The following PAIP2 variants were observed in gnomAD, a reference collection of about 807,000 sequenced individuals.
The protein encoded by PAIP2 is poly(A) binding protein interacting protein 2, also known as polyadenylate-binding protein-interacting protein 2.
Under a neutral mutation model 14.8 loss-of-function variants are expected in PAIP2, and 7 were observed. That is an observed-to-expected ratio of 0.47 (90% CI 0.27 to 0.89). The LOEUF (loss-of-function observed/expected upper bound fraction) is 0.89, where lower values mean the gene tolerates loss of function less well. Ranked by LOEUF, PAIP2 falls within the 40% of genes least tolerant of loss-of-function variation. PAIP2 has a pLI of 0.13. For synonymous variants in PAIP2, 47 were observed against 45.3 expected (o/e 1.04, Z -0.15); for missense variants, 122 against 154.7 (o/e 0.79, Z 1.12).
rs930211553 is a variant in PAIP2, at chr5:139,351,644, C to CT, written c.-27+9673dup. 2.6e-3 allele frequency among the ~76,000 whole-genome samples: 392 copies of CT among 150,906 alleles called. 4 individuals are homozygous for CT. The highest frequency in any genetic ancestry group is 9.2e-3 in the African/African-American group (378 of 41,186). ...GACGTTTGTATACCTAACTTTTTTT[C>CT]TTTTTTTTTGTAAGTAGTGTGTACT... is the stretch of plus-strand genomic sequence containing the variant. On this transcript the variant is annotated intron_variant, in intron 1 of 3. Coordinates refer to ENST00000265192, the MANE Select transcript of PAIP2 (RefSeq NM_016480.5).
At chr5:139,361,059 G>C (rs1194072753) in intron 1 of PAIP2, among the ~76,000 whole-genome samples, 1 of 152,136 alleles carries the variant, frequency 6.6e-6, no homozygotes, top group Non-Finnish European at 1.5e-5. Flanking sequence ...GGAATTACTG[G>C]AGTGAGCCAC....
chr5:139,361,196 A>G lies in PAIP2; in HGVS notation c.-26-2563A>G, dbSNP rs886915921. 3.3e-5 allele frequency among the ~76,000 whole-genome samples: 5 copies of G among 152,180 alleles called. No individual in the cohort carries two copies. The East Asian group carries it at 7.7e-4, about 23-fold the overall frequency. On this transcript the variant is annotated intron_variant, in intron 1 of 3. Transcript: ENST00000265192. ...CCACTATGATCCTGTTGTCATTAGT[A>G]TCTAGTATTTGTCATATTACATGAA...
intron 1 of PAIP2, among the ~76,000 whole-genome samples, chr5:139,349,915 T>C (rs1321955589): frequency 1.3e-5 from 2 of 151,758 alleles, no homozygotes; most frequent in African/African-American, 2.4e-5. Flanking sequence ...GGCAGGAGAA[T>C]CACTTGAACG....
At chr5:139,366,232 G>A (rs1016378190) in intron 3 of PAIP2, among the ~76,000 whole-genome samples, 3 of 150,886 alleles carry the variant, frequency 2.0e-5, no homozygotes, top group African/African-American at 4.9e-5. Context: ...AAAGCGGGGT[G>A]GGGGGAATTG....
intron 3 of PAIP2, among the ~76,000 whole-genome samples, chr5:139,368,490 C>G (rs1757435015): frequency 6.6e-6 from 1 of 152,222 alleles, no homozygotes; most frequent in Admixed American, 6.5e-5. Flanking sequence ...GATTGTGCCA[C>G]TGCACTCCAG....
intron 1 of PAIP2, among the ~76,000 whole-genome samples, chr5:139,355,789 G>A (rs1475563633): frequency 2.0e-5 from 3 of 150,598 alleles, no homozygotes; most frequent in East Asian, 4.0e-4. Flanking sequence ...CCCAGGAGGC[G>A]GAGGTTGCAG....
At chr5:139,353,265 CCTT>C (rs1284880280) in intron 1 of PAIP2, among the ~76,000 whole-genome samples, 17 of 152,138 alleles carry the variant, frequency 1.1e-4, no homozygotes, top group African/African-American at 4.1e-4. Flanking sequence ...CAAATTAGGG[CCTT>C]CTTTTGTGTT....
intron 1 of PAIP2, among the ~76,000 whole-genome samples, chr5:139,351,757 C>T (rs1442045214): frequency 1.3e-5 from 2 of 151,870 alleles, no homozygotes; most frequent in African/African-American, 2.4e-5. Context: ...AATCATGGTT[C>T]AAGTAATCCT....
At chr5:139,368,060 G>A (rs1308835779) in intron 3 of PAIP2, among the ~76,000 whole-genome samples, 3 of 152,316 alleles carry the variant, frequency 2.0e-5, no homozygotes, top group Non-Finnish European at 4.4e-5. Flanking sequence ...ATTAGGCCGG[G>A]CGCGGTGGCT....
At chr5:139,363,488 G>GGGT (rs1228624245) in intron 1 of PAIP2, among the ~76,000 whole-genome samples, 4 of 152,088 alleles carry the variant, frequency 2.6e-5, no homozygotes, top group African/African-American at 9.7e-5. Flanking sequence ...TGAGAGGCTT[G>GGGT]GGTGGGAGGA....
In PAIP2 at chr5:139,368,949, T is replaced by C; in HGVS notation, c.*151T>C. ...AGTCTTGCATGCTTAATAAAAGTGC[T>C]GAGACTGTTACTAAGTAAAAAGCTG... On this transcript the variant is annotated 3_prime_UTR_variant, in exon 4 of 4. Coordinates refer to ENST00000265192, the MANE Select transcript of PAIP2 (RefSeq NM_016480.5). 1.7e-6 allele frequency: 1 copy of C among 574,010 alleles called. No homozygotes were observed. The highest frequency in any genetic ancestry group is 3.1e-6 in the Non-Finnish European group (1 of 317,914). 35.6% of individuals were successfully genotyped at this position (574,010 alleles called of 1,614,324 possible). A position where few individuals can be genotyped will look rare whatever the true frequency, so the allele number is the denominator to read the frequency against.
chr5:139,353,886 A>AT (rs1169916009), intron 1 of PAIP2, among the ~76,000 whole-genome samples: 3 of 151,372 alleles, frequency 2.0e-5, no homozygotes, highest in East Asian at 1.9e-4. Flanking sequence ...CACCCACCTA[A>AT]TTTTTTTGTA....
chr5:139,364,847 GA>G, intron 3 of PAIP2, 104 bp downstream of exon 3: 1 of 767,566 alleles, frequency 1.3e-6, no homozygotes, highest in Middle Eastern at 3.0e-4. Context: ...TTCCCCTTCA[GA>G]AATTGTGCTG....
intron 1 of PAIP2, among the ~76,000 whole-genome samples, chr5:139,354,486 C>T (rs933510262): frequency 2.0e-5 from 3 of 152,078 alleles, no homozygotes; most frequent in African/African-American, 2.4e-5. Context: ...TGTATTGGTA[C>T]GGGTCATATT....
At chr5:139,347,089 G>A (rs1204833828) in intron 1 of PAIP2, among the ~76,000 whole-genome samples, 1 of 152,032 alleles carries the variant, frequency 6.6e-6, no homozygotes, top group East Asian at 1.9e-4. Flanking sequence ...GATTATAGGT[G>A]TGAGCCACTG....
chr5:139,359,174 TC>T (rs1327512471), intron 1 of PAIP2, among the ~76,000 whole-genome samples: 2 of 151,940 alleles, frequency 1.3e-5, no homozygotes, highest in East Asian at 3.9e-4. Flanking sequence ...TTACTCTGTC[TC>T]CCAGGCTGGA....
At chr5:139,355,397 C>G (rs1756878053) in intron 1 of PAIP2, among the ~76,000 whole-genome samples, 1 of 152,078 alleles carries the variant, frequency 6.6e-6, no homozygotes, top group South Asian at 2.1e-4. Flanking sequence ...GGCTTGAACT[C>G]CTGACCTCAG....
rs540811531 is a variant in PAIP2 at position 139,365,213 on chromosome 5, C to T, written c.318+470C>T. On this transcript the variant is annotated intron_variant, in intron 3 of 3. Coordinates refer to ENST00000265192, the MANE Select transcript of PAIP2 (RefSeq NM_016480.5). ...AAAAAATACAAAATTTGGCCAGGCA[C>T]GGTGGCTCATGCCTTTAATTCCAGC... The T allele has an allele frequency of 9.4e-5, 14 of 149,550 alleles. No individual in the cohort carries two copies. In the Middle Eastern group the frequency reaches 0.015, roughly 162 times the overall value. 9.3% of individuals were successfully genotyped at this position (149,550 alleles called of 1,614,324 possible).
chr5:139,343,957 C>T (rs1422638694), intron 1 of PAIP2, among the ~76,000 whole-genome samples: 3 of 152,080 alleles, frequency 2.0e-5, no homozygotes, highest in Non-Finnish European at 4.4e-5. Flanking sequence ...ACTTTGTGAT[C>T]CGCCCCCGTC....
Sources: gnomAD v4.1 joint callset for allele counts (sites outside exome capture counted in the v4.1 genomes callset) on GRCh38, gnomAD v4.1.1 for gene constraint, MANE v1.5 for transcripts, NCBI Gene and HGNC (gene_info 2026-07-23, HGNC 2026-07-21) for gene names.